The following ARHGAP15 variants were observed in gnomAD, a reference collection of about 807,000 sequenced individuals.
ARHGAP15 encodes the protein rho GTPase-activating protein 15.
Under a neutral mutation model 63.7 loss-of-function variants are expected in ARHGAP15, and 51 were observed. The observed-to-expected ratio is 0.80, with a 90% CI of 0.64 to 1.01. The LOEUF (loss-of-function observed/expected upper bound fraction) is 1.01, where lower values mean the gene tolerates loss of function less well. Among genes scored for constraint, ARHGAP15 ranks in the 50% least tolerant of loss-of-function variants. ARHGAP15 has a pLI of 0.00. For synonymous variants in ARHGAP15, 191 were observed against 193.8 expected (o/e 0.99, Z 0.12); for missense variants, 560 against 564.6 (o/e 0.99, Z 0.08).
Position 143,287,086 on chromosome 2 carries a change from G to A in ARHGAP15, c.474+36486G>A, listed in dbSNP as rs577455062. ...TGGTTTGACCTGAGTTTTTGAGAGT[G>A]GAATACTCAATTGAACAAATGTATA... is the stretch of plus-strand genomic sequence containing the variant. On this transcript the variant is annotated intron_variant, in intron 6 of 13. Coordinates refer to ENST00000295095, the MANE Select transcript of ARHGAP15 (RefSeq NM_018460.4). 4.5e-4 allele frequency among the ~76,000 whole-genome samples: 68 copies of A among 152,064 alleles called. 1 individual carries two copies. Among genetic ancestry groups the A allele is most frequent in the African/African-American group, 1.6e-3 (67 of 41,456 alleles).
intron 2 of ARHGAP15, among the ~76,000 whole-genome samples, chr2:143,156,978 G>A (rs918166826): frequency 6.6e-6 from 1 of 151,876 alleles, no homozygotes; most frequent in African/African-American, 2.4e-5. Context: ...AAGTTTAAAA[G>A]TTAAGTATAT....
intron 12 of ARHGAP15, chr2:143,676,370 TG>T (rs1682825878): frequency 6.6e-6 from 1 of 152,256 alleles, no homozygotes; most frequent in African/African-American, 2.4e-5. Flanking sequence ...ATTCACAACT[TG>T]GCTAATTCTT....
At chr2:143,413,875 A>G (rs1455270704) in intron 6 of ARHGAP15, among the ~76,000 whole-genome samples, 1 of 150,338 alleles carries the variant, frequency 6.7e-6, no homozygotes, top group Non-Finnish European at 1.5e-5. Flanking sequence ...CTTGGCTCAC[A>G]TGTTTTCTAT....
At chr2:143,579,755 T>C (rs1435237113) in intron 11 of ARHGAP15, among the ~76,000 whole-genome samples, 3 of 151,990 alleles carry the variant, frequency 2.0e-5, no homozygotes, top group African/African-American at 7.2e-5. Flanking sequence ...GATTTCTTAT[T>C]AATAAATATT....
chr2:143,695,868 A>G (rs1683821955), intron 12 of ARHGAP15, among the ~76,000 whole-genome samples: 1 of 152,006 alleles, frequency 6.6e-6, no homozygotes, highest in African/African-American at 2.4e-5. Flanking sequence ...TCTACCAAAA[A>G]AAAAAAAAAG....
chr2:143,660,816 A>C (rs1048575365), intron 12 of ARHGAP15, among the ~76,000 whole-genome samples: 3 of 152,240 alleles, frequency 2.0e-5, no homozygotes, highest in Non-Finnish European at 4.4e-5. Flanking sequence ...AGCAAATAAC[A>C]CAAGGCTGTG....
chr2:143,231,293 A>G (rs1693429571), intron 5 of ARHGAP15, among the ~76,000 whole-genome samples: 1 of 152,136 alleles, frequency 6.6e-6, no homozygotes, highest in African/African-American at 2.4e-5. Flanking sequence ...ATAGTACACA[A>G]TAGAGAGTAT....
intron 2 of ARHGAP15, among the ~76,000 whole-genome samples, chr2:143,194,618 C>G (rs1216747513): frequency 6.6e-6 from 1 of 152,090 alleles, no homozygotes; most frequent in Non-Finnish European, 1.5e-5. Flanking sequence ...TTTCTTGGCT[C>G]TGGTGGTTCT....
chr2:143,484,932 A>T (rs916019474), intron 8 of ARHGAP15, among the ~76,000 whole-genome samples: 11 of 152,156 alleles, frequency 7.2e-5, no homozygotes, highest in African/African-American at 2.7e-4. Flanking sequence ...TGTATAACAC[A>T]CTGGTGGAAA....
intron 12 of ARHGAP15, among the ~76,000 whole-genome samples, chr2:143,657,118 G>A (rs1239570463): frequency 1.3e-5 from 2 of 152,144 alleles, no homozygotes; most frequent in Non-Finnish European, 1.5e-5. Context: ...AGGCTGAGGT[G>A]GGCAGATCGT....
chr2:143,421,526 T>C (rs1416115417), intron 6 of ARHGAP15, among the ~76,000 whole-genome samples: 1 of 151,948 alleles, frequency 6.6e-6, no homozygotes, highest in African/African-American at 2.4e-5. Context: ...GAAGATCACA[T>C]CTTCATTACT....
At chr2:143,428,122 T>C (rs532482565) in intron 6 of ARHGAP15, among the ~76,000 whole-genome samples, 1 of 152,052 alleles carries the variant, frequency 6.6e-6, no homozygotes, top group African/African-American at 2.4e-5. Context: ...CAGGATGTTA[T>C]GAGCGCACTT....
Position 143,411,004 on chromosome 2 carries a change from G to A in ARHGAP15, c.475-24597G>A, listed in dbSNP as rs182889860. Reference sequence around the variant, plus strand: ...GGATCACCTGAGGTCAGGAGTTCACGAACCAGCCTGACCAACATGGAAAAA... The same window carrying A: ...GGATCACCTGAGGTCAGGAGTTCACAAACCAGCCTGACCAACATGGAAAAA... On this transcript the variant is annotated intron_variant, in intron 6 of 13. Transcript: ENST00000295095. 6.6e-5 allele frequency among the ~76,000 whole-genome samples: 10 copies of A among 152,144 alleles called. No individual in the cohort carries two copies. The East Asian group carries it at 1.5e-3, about 24-fold the overall frequency.
At chr2:143,512,458 C>T (rs200247884) in intron 9 of ARHGAP15, among the ~76,000 whole-genome samples, 1 of 152,104 alleles carries the variant, frequency 6.6e-6, no homozygotes, top group East Asian at 1.9e-4. Context: ...GGTGTTCTTG[C>T]CAGAGAATAG....
At chr2:143,259,390 A>T (rs1680600059) in intron 6 of ARHGAP15, among the ~76,000 whole-genome samples, 1 of 152,190 alleles carries the variant, frequency 6.6e-6, no homozygotes, top group Non-Finnish European at 1.5e-5. Flanking sequence ...GGAGGGGGCA[A>T]ATACTAGAAA....
chr2:143,566,236 C>CT (rs1390183874), intron 11 of ARHGAP15, among the ~76,000 whole-genome samples: 2 of 152,128 alleles, frequency 1.3e-5, no homozygotes, highest in Non-Finnish European at 2.9e-5. Flanking sequence ...TATGGACCCA[C>CT]TGGAGAGGTG....
chr2:143,748,969 T>C (rs540674603), intron 13 of ARHGAP15, among the ~76,000 whole-genome samples: 1 of 151,388 alleles, frequency 6.6e-6, no homozygotes, highest in African/African-American at 2.4e-5. Flanking sequence ...AATATCTGAT[T>C]TTTTTTTTCC....
intron 6 of ARHGAP15, among the ~76,000 whole-genome samples, chr2:143,385,380 G>A (rs1687235367): frequency 6.6e-6 from 1 of 152,136 alleles, no homozygotes; most frequent in Non-Finnish European, 1.5e-5. Context: ...TCAACTTTTA[G>A]AGTGCTGAAG....
chr2:143,258,182 A>C (rs541116797), intron 6 of ARHGAP15, among the ~76,000 whole-genome samples: 2 of 152,232 alleles, frequency 1.3e-5, no homozygotes, highest in Non-Finnish European at 2.9e-5. Context: ...TGGCTGATAA[A>C]TAGATGACGC....
Sources: allele counts gnomAD v4.1 joint callset (sites outside exome capture counted in the v4.1 genomes callset), GRCh38; gene constraint gnomAD v4.1.1; transcripts MANE v1.5; gene names NCBI Gene and HGNC (gene_info 2026-07-23, HGNC 2026-07-21).